DLG2: variants seen among roughly 807,000 people sequenced by gnomAD.
The protein encoded by DLG2 is discs large MAGUK scaffold protein 2, also known as disks large homolog 2.
DLG2 carries 45 observed loss-of-function variants against 132.5 expected under a neutral mutation model. The observed-to-expected ratio is 0.34, with a 90% CI of 0.27 to 0.44. The LOEUF is 0.44. Among genes scored for constraint, DLG2 ranks in the 20% least tolerant of loss-of-function variants. The probability of loss-of-function intolerance (pLI) is 1.00; values close to 1 mark genes in which losing one functional copy is unlikely to be tolerated. For missense variants in DLG2, 1,045 were observed against 1,196.9 expected, an observed-to-expected ratio of 0.87 and a Z score of 1.87; for synonymous variants, 424 against 419.6, an observed-to-expected ratio of 1.01 and a Z score of -0.13.
In DLG2 at chr11:84,264,499, G is replaced by A. The variant is rs189791133; in HGVS notation, c.520-13208C>T. Among the ~76,000 whole-genome samples the A allele has an allele frequency of 1.2e-4, 19 of 152,286 alleles. No individual in the cohort carries two copies. In the East Asian group the frequency reaches 3.1e-3, roughly 25 times the overall value. On this transcript the variant is annotated intron_variant, in intron 7 of 27. Transcript: ENST00000376104. ...TTATCTGTTGCTGTGGGCTAGAGGA[G>A]AGATGGGGAAATAACAAGAAAAAAG... is the stretch of plus-strand genomic sequence containing the variant.
At chr11:83,920,291 C>T (rs1000864451) in intron 15 of DLG2, among the ~76,000 whole-genome samples, 1 of 152,172 alleles carries the variant, frequency 6.6e-6, no homozygotes, top group African/African-American at 2.4e-5. Flanking sequence ...CTTTAAACCT[C>T]ATATGAGCTG....
At chr11:84,941,285 G>C (rs187929457) in intron 6 of DLG2, among the ~76,000 whole-genome samples, 67 of 152,244 alleles carry the variant, frequency 4.4e-4, no homozygotes, top group Non-Finnish European at 8.5e-4. Context: ...TATTTTGATA[G>C]GGATTTCACT....
intron 18 of DLG2, among the ~76,000 whole-genome samples, chr11:83,634,054 C>A (rs1317968265): frequency 6.6e-6 from 1 of 151,860 alleles, no homozygotes; most frequent in Non-Finnish European, 1.5e-5. Context: ...ATAGACCTGA[C>A]AATCAAGAGT....
chr11:85,146,854 T>G (rs1460356180), intron 5 of DLG2, among the ~76,000 whole-genome samples: 1 of 152,222 alleles, frequency 6.6e-6, no homozygotes, highest in African/African-American at 2.4e-5. Context: ...GACATTAGGC[T>G]ACTTTAGTCA....
chr11:84,119,806 C>A (rs1277187379), intron 9 of DLG2, among the ~76,000 whole-genome samples: 1 of 152,032 alleles, frequency 6.6e-6, no homozygotes, highest in Admixed American at 6.6e-5. Flanking sequence ...TATAATAAGG[C>A]CCAACTTAGA....
intron 6 of DLG2, among the ~76,000 whole-genome samples, chr11:84,985,087 C>T (rs889841223): frequency 1.3e-5 from 2 of 152,092 alleles, no homozygotes; most frequent in South Asian, 2.1e-4. Flanking sequence ...AGAAAGTTAA[C>T]GAAGAAACAA....
At chr11:85,446,630 A>G (rs937081976) in intron 3 of DLG2, among the ~76,000 whole-genome samples, 2 of 152,160 alleles carry the variant, frequency 1.3e-5, no homozygotes, top group African/African-American at 4.8e-5. Flanking sequence ...TTCACATTTT[A>G]TAGGTTCATT....
intron 8 of DLG2, among the ~76,000 whole-genome samples, chr11:84,210,626 C>A (rs1315571267): frequency 6.7e-6 from 1 of 150,326 alleles, no homozygotes; most frequent in Non-Finnish European, 1.5e-5. Context: ...CATGGATAAA[C>A]AAATTATTGT....
At chr11:84,642,187 G>A (rs1289349096) in intron 6 of DLG2, among the ~76,000 whole-genome samples, 1 of 149,530 alleles carries the variant, frequency 6.7e-6, no homozygotes, top group East Asian at 2.0e-4. Flanking sequence ...TTCTACAGGA[G>A]CTTGAATTAC....
At chr11:85,596,409 A>C (rs2079765528) in intron 3 of DLG2, among the ~76,000 whole-genome samples, 1 of 152,020 alleles carries the variant, frequency 6.6e-6, no homozygotes, top group African/African-American at 2.4e-5. Context: ...AAACAAAATA[A>C]AATAGAGTGA....
chr11:85,497,962 C>A (rs1174859439), intron 3 of DLG2, among the ~76,000 whole-genome samples: 1 of 152,276 alleles, frequency 6.6e-6, no homozygotes, highest in East Asian at 1.9e-4. Context: ...CTGGTACCAG[C>A]CACTGCAAAA....
chr11:83,925,099 C>T (rs1362377527), intron 15 of DLG2, among the ~76,000 whole-genome samples: 1 of 152,068 alleles, frequency 6.6e-6, no homozygotes, highest in African/African-American at 2.4e-5. Context: ...TGTCTCCATA[C>T]TCTGAGTTCC....
intron 3 of DLG2, among the ~76,000 whole-genome samples, chr11:85,536,227 A>AAG (rs1346870165): frequency 2.0e-5 from 3 of 151,768 alleles, no homozygotes; most frequent in African/African-American, 7.3e-5. Flanking sequence ...AAAAAAAAAA[A>AAG]AAAAAAAAAA....
intron 3 of DLG2, among the ~76,000 whole-genome samples, chr11:85,488,880 G>C (rs896895902): frequency 6.6e-6 from 1 of 151,868 alleles, no homozygotes; most frequent in Admixed American, 6.6e-5. Context: ...GGAAGTGATG[G>C]AACAACATTC....
At chr11:85,573,164 C>T (rs186445463) in intron 3 of DLG2, among the ~76,000 whole-genome samples, 1 of 152,138 alleles carries the variant, frequency 6.6e-6, no homozygotes, top group Admixed American at 6.6e-5. Flanking sequence ...AGGTGTCATA[C>T]TTGTACAGAC....
intron 6 of DLG2, among the ~76,000 whole-genome samples, chr11:84,995,675 T>G (rs1030715146): frequency 6.6e-6 from 1 of 152,154 alleles, no homozygotes; most frequent in Non-Finnish European, 1.5e-5. Context: ...CTTATTCATA[T>G]TATGGTTAGA....
intron 7 of DLG2, among the ~76,000 whole-genome samples, chr11:84,290,941 G>C (rs2097985185): frequency 6.6e-6 from 1 of 151,822 alleles, no homozygotes; most frequent in Non-Finnish European, 1.5e-5. Flanking sequence ...CTAAAAATGG[G>C]GAAGAAAAGT....
At chr11:84,345,643 T>A (rs899377347) in intron 7 of DLG2, among the ~76,000 whole-genome samples, 1 of 150,970 alleles carries the variant, frequency 6.6e-6, no homozygotes, top group Admixed American at 6.6e-5. Flanking sequence ...TTTTCTTTTC[T>A]TTTTTTTTAA....
intron 4 of DLG2, among the ~76,000 whole-genome samples, chr11:85,216,070 T>C (rs1017171937): frequency 2.0e-5 from 3 of 150,654 alleles, no homozygotes; most frequent in African/African-American, 7.3e-5. Flanking sequence ...TAGTCCCAGC[T>C]ACTCCAGAGG....
Sources: allele counts gnomAD v4.1 joint callset (sites outside exome capture counted in the v4.1 genomes callset), GRCh38; gene constraint gnomAD v4.1.1; transcripts MANE v1.5; gene names NCBI Gene and HGNC (gene_info 2026-07-23, HGNC 2026-07-21).